The following GYS2 variants were observed in gnomAD, a reference collection of about 807,000 sequenced individuals.
The protein encoded by GYS2 is glycogen [starch] synthase, liver.
GYS2 carries 80 observed loss-of-function variants against 85.6 expected under a neutral mutation model. That is an observed-to-expected ratio of 0.93 (90% CI 0.78 to 1.13). The LOEUF (loss-of-function observed/expected upper bound fraction) is 1.13. GYS2 is among the 50% of genes most tolerant of loss of function. The probability of loss-of-function intolerance (pLI) is 0.00; values close to 1 mark genes in which losing one functional copy is unlikely to be tolerated. For synonymous variants in GYS2, 328 were observed against 300.7 expected, an observed-to-expected ratio of 1.09 and a Z score of -0.94; for missense variants, 881 against 854.9, an observed-to-expected ratio of 1.03 and a Z score of -0.38.
chr12:21,548,376 G>A (rs766120595), intron 11 of GYS2, among the ~76,000 whole-genome samples: 10 of 152,242 alleles, frequency 6.6e-5, no homozygotes, highest in Middle Eastern at 6.8e-3. Flanking sequence ...CGAATTCAGA[G>A]ACAGGGAAAG....
intron 1 of GYS2, among the ~76,000 whole-genome samples, chr12:21,582,583 A>G (rs1166761299): frequency 7.2e-6 from 1 of 139,228 alleles, no homozygotes; most frequent in East Asian, 2.1e-4. Flanking sequence ...AGATATAGAG[A>G]TAGATATAGA....
chr12:21,541,283 A>AAC (rs1943971881), intron 13 of GYS2, among the ~76,000 whole-genome samples: 1 of 144,446 alleles, frequency 6.9e-6, no homozygotes, highest in African/African-American at 2.6e-5. Flanking sequence ...AAAAAAAAAA[A>AAC]AAAAAAAACA....
Position 21,562,161 on chromosome 12 carries a change from T to TA in GYS2, c.1062+756dup, listed in dbSNP as rs564877916. Among the ~76,000 whole-genome samples the TA allele has an allele frequency of 2.6e-3, 399 of 152,116 alleles. 2 individuals are homozygous for TA. The highest frequency in any genetic ancestry group is 8.5e-3 in the African/African-American group (351 of 41,498). ...CCACTTTGTATCCCACCTTCCTGAG[T>TA]AAAAAAAATGATTTCACATGGTTGG... On this transcript the variant is annotated intron_variant, in intron 7 of 15. Transcript: ENST00000261195.
rs201257771 is a variant in GYS2 at position 21,572,042 on chromosome 12, G to GA, written c.678+2101dup. ...AACAAGAAAACTAAAGGCTTTAGAGGAAAAAAAAGAATTTATTATGTAGTC... is the reference window on the plus strand; with the variant it reads ...AACAAGAAAACTAAAGGCTTTAGAGGAAAAAAAAAGAATTTATTATGTAGTC... On this transcript the variant is annotated intron_variant, in intron 4 of 15. Transcript: ENST00000261195. Among the ~76,000 whole-genome samples the GA allele has an allele frequency of 2.8e-3, 427 of 151,828 alleles. 4 individuals are homozygous for GA. The highest frequency in any genetic ancestry group is 0.01 in the African/African-American group (414 of 41,366).
At chr12:21,590,191 A>G (rs1944619331) in intron 1 of GYS2, among the ~76,000 whole-genome samples, 1 of 152,156 alleles carries the variant, frequency 6.6e-6, no homozygotes, top group Admixed American at 6.5e-5. Context: ...GCAACAATGC[A>G]GTAGCTGCTA....
chr12:21,534,200 C>T (rs1463741026), downstream of GYS2, among the ~76,000 whole-genome samples: 1 of 152,064 alleles, frequency 6.6e-6, no homozygotes, highest in Non-Finnish European at 1.5e-5. Flanking sequence ...TCTGATAGGC[C>T]CATTATAAAT....
At chr12:21,563,823 A>G (rs1289381084) in intron 5 of GYS2, among the ~76,000 whole-genome samples, 2 of 152,204 alleles carry the variant, frequency 1.3e-5, no homozygotes, top group Non-Finnish European at 2.9e-5. Flanking sequence ...AGCAGAATCC[A>G]TGCAGTCTGA....
At chr12:21,557,333 AAGGTCCAC>A (rs1350125325) in intron 11 of GYS2, among the ~76,000 whole-genome samples, 2 of 152,216 alleles carry the variant, frequency 1.3e-5, no homozygotes, top group African/African-American at 4.8e-5. Flanking sequence ...CATATAGTTT[AAGGTCCAC>A]AGTGGAAGAA....
At chr12:21,552,043 A>G (rs1479549300) in intron 11 of GYS2, among the ~76,000 whole-genome samples, 3 of 152,212 alleles carry the variant, frequency 2.0e-5, no homozygotes, top group Non-Finnish European at 4.4e-5. Flanking sequence ...AGCCAATTGC[A>G]GAAGCCCAGG....
chr12:21,554,822 C>G (rs1944158538), intron 11 of GYS2, among the ~76,000 whole-genome samples: 2 of 152,188 alleles, frequency 1.3e-5, no homozygotes. Context: ...AAATAAGGTA[C>G]TTTTCCATTC....
chr12:21,558,389 T>G (rs1229865919), intron 10 of GYS2, 76 bp from the exon 11 acceptor site: 4 of 880,764 alleles, frequency 4.5e-6, no homozygotes, highest in Admixed American at 3.7e-5. Flanking sequence ...AATAGGTCAT[T>G]GACATTTCAT....
chr12:21,602,004 T>G (rs925030682), intron 1 of GYS2, among the ~76,000 whole-genome samples: 9 of 152,164 alleles, frequency 5.9e-5, no homozygotes, highest in African/African-American at 2.2e-4. Flanking sequence ...ATGGGCAAAA[T>G]TCTGGCAGCA....
At chr12:21,577,580 A>T (rs191237289) in intron 2 of GYS2, among the ~76,000 whole-genome samples, 16 of 152,322 alleles carry the variant, frequency 1.1e-4, no homozygotes, top group African/African-American at 3.6e-4. Context: ...GCATTGTTCT[A>T]TCACATTTCT....
At position 21,540,517 on chromosome 12, in the gene GYS2, T is replaced by G. The variant is rs1362901168; in HGVS notation, c.1702A>C (p.Thr568Pro). The stretch of plus-strand genomic sequence containing the variant: ...TTGCAAAATCCATAGAGAAACTTAG[T>G]CAGCTGATTGCAAGAATCATCTGGA... ...RSPDDSCNQL[T>P]KFLYGFCKQS... The change falls in exon 14 of 16, where the codon ACT becomes CCT. Residue 568 changes from threonine (T) to proline (P), a missense_variant. By Grantham distance (38) the Thr-to-Pro change is conservative (BLOSUM62 -1). Coordinates refer to ENST00000261195, the MANE Select transcript of GYS2 (RefSeq NM_021957.4). 1 of 1,613,826 alleles carries G rather than the reference T, an allele frequency of 6.2e-7. No homozygotes were observed. Among genetic ancestry groups the G allele is most frequent in the Admixed American group, 1.7e-5 (1 of 60,016 alleles).
At chr12:21,587,878 C>T (rs549935149) in intron 1 of GYS2, among the ~76,000 whole-genome samples, 37 of 151,858 alleles carry the variant, frequency 2.4e-4, no homozygotes, top group Admixed American at 1.4e-3. Flanking sequence ...GAGCCCAGGC[C>T]CTAAGCTGGA....
chr12:21,564,258 C>T (rs915703544), intron 5 of GYS2, among the ~76,000 whole-genome samples: 3 of 152,026 alleles, frequency 2.0e-5, no homozygotes, highest in African/African-American at 7.2e-5. Flanking sequence ...TGGTGAAACC[C>T]CATCTCTACT....
At chr12:21,558,676 T>C (rs1944213163) in intron 10 of GYS2, among the ~76,000 whole-genome samples, 1 of 152,222 alleles carries the variant, frequency 6.6e-6, no homozygotes, top group Non-Finnish European at 1.5e-5. Flanking sequence ...GATTCTTCCC[T>C]ATTATAACAA....
At chr12:21,571,075 A>G (rs1373461199) in intron 4 of GYS2, among the ~76,000 whole-genome samples, 1 of 152,220 alleles carries the variant, frequency 6.6e-6, no homozygotes, top group African/African-American at 2.4e-5. Flanking sequence ...TTGGACATTT[A>G]GAGATGGGAA....
At chr12:21,580,873 G>T in intron 1 of GYS2, among the ~76,000 whole-genome samples, 1 of 152,096 alleles carries the variant, frequency 6.6e-6, no homozygotes, top group East Asian at 1.9e-4. Context: ...GTCAAAGTTA[G>T]GACAAATACC....
Sources: gnomAD v4.1 joint callset for allele counts (sites outside exome capture counted in the v4.1 genomes callset) on GRCh38, gnomAD v4.1.1 for gene constraint, MANE v1.5 for transcripts, NCBI Gene and HGNC (gene_info 2026-07-23, HGNC 2026-07-21) for gene names.